GRK5: variants seen among roughly 807,000 people sequenced by gnomAD.
GRK5 encodes the protein G protein-coupled receptor kinase 5.
A neutral mutation model predicts 78.4 loss-of-function variants in GRK5; 40 were observed. The observed-to-expected ratio is 0.51, with a 90% CI of 0.40 to 0.66. GRK5 has a LOEUF of 0.66. GRK5 is among the 30% of genes least tolerant of loss of function. The probability of loss-of-function intolerance (pLI) is 0.00; values close to 1 mark genes in which losing one functional copy is unlikely to be tolerated. For synonymous variants in GRK5, 289 were observed against 296.8 expected (o/e 0.97, Z 0.27); for missense variants, 598 against 759.9 (o/e 0.79, Z 2.50).
intron 2 of GRK5, among the ~76,000 whole-genome samples, chr10:119,350,187 G>T (rs956638922): frequency 5.9e-5 from 9 of 152,356 alleles, no homozygotes; most frequent in African/African-American, 2.2e-4. Context: ...TCTCTGATGG[G>T]ACCCTCCAGC....
At chr10:119,359,392 C>T (rs988324619) in intron 2 of GRK5, among the ~76,000 whole-genome samples, 5 of 152,200 alleles carry the variant, frequency 3.3e-5, no homozygotes, top group East Asian at 1.9e-4. Flanking sequence ...GGGGAGCCTC[C>T]GGGTCCTGCG....
intron 1 of GRK5, among the ~76,000 whole-genome samples, chr10:119,251,568 G>A (rs996725617): frequency 2.6e-5 from 4 of 152,212 alleles, no homozygotes. Context: ...CATTTATCTG[G>A]AGTTGTAATT....
intron 6 of GRK5, 81 bp downstream of exon 6, chr10:119,425,166 A>T: frequency 9.8e-7 from 1 of 1,022,846 alleles, no homozygotes; most frequent in African/African-American, 1.6e-5. Context: ...AAAATCAGTT[A>T]CCTCCCGTGG....
At chr10:119,414,274 C>T (rs1359331490) in intron 4 of GRK5, among the ~76,000 whole-genome samples, 1 of 152,236 alleles carries the variant, frequency 6.6e-6, no homozygotes. Flanking sequence ...GACAGTCTCC[C>T]GGGCCGACCT....
intron 1 of GRK5, among the ~76,000 whole-genome samples, chr10:119,323,284 A>G (rs992779795): frequency 2.0e-5 from 3 of 152,224 alleles, no homozygotes; most frequent in African/African-American, 7.2e-5. Flanking sequence ...CACCTAAATA[A>G]TGGTTAAACT....
rs139494893 is a variant in GRK5, at chr10:119,389,530, A to G, written c.262-7165A>G. On this transcript the variant is annotated intron_variant, in intron 3 of 15. Coordinates refer to ENST00000392870, the MANE Select transcript of GRK5 (RefSeq NM_005308.3). Reference sequence around the variant, plus strand: ...ATAGTGCACATCTGTGGGATCATCCAGTCTCCTGGGTGCCCCACCCGCATT... The same window carrying G: ...ATAGTGCACATCTGTGGGATCATCCGGTCTCCTGGGTGCCCCACCCGCATT... 3.0e-3 allele frequency among the ~76,000 whole-genome samples: 450 copies of G among 152,326 alleles called. 3 individuals are homozygous for G. The highest frequency in any genetic ancestry group is 0.01 in the African/African-American group (436 of 41,578).
intron 2 of GRK5, among the ~76,000 whole-genome samples, chr10:119,365,318 T>G (rs1851428136): frequency 6.6e-6 from 1 of 152,268 alleles, no homozygotes; most frequent in Admixed American, 6.5e-5. Flanking sequence ...TGAAAATGCA[T>G]GAGGCATGTT....
Position 119,207,912 on chromosome 10 carries a change from C to T in GRK5, c.-6C>T, listed in dbSNP as rs1208686541. Reference sequence around the variant, plus strand: ...GGCCGGCTCCGTTGCTGACCGCCGACTGTCAATGGAGCTGGAAAACATCGT... The same window carrying T: ...GGCCGGCTCCGTTGCTGACCGCCGATTGTCAATGGAGCTGGAAAACATCGT... On this transcript the variant is annotated 5_prime_UTR_variant, in exon 1 of 16. Coordinates refer to ENST00000392870, the MANE Select transcript of GRK5 (RefSeq NM_005308.3). 6.3e-7 allele frequency: 1 copy of T among 1,598,860 alleles called. No homozygotes were observed. Among genetic ancestry groups the T allele is most frequent in the East Asian group, 2.3e-5 (1 of 43,344 alleles).
At chr10:119,449,743 T>G (rs1283104916) in intron 13 of GRK5, among the ~76,000 whole-genome samples, 8 of 152,158 alleles carry the variant, frequency 5.3e-5, no homozygotes, top group Non-Finnish European at 1.0e-4. Flanking sequence ...GAGCTGAGAT[T>G]GTACCACTGC....
intron 1 of GRK5, among the ~76,000 whole-genome samples, chr10:119,254,379 G>A (rs968534739): frequency 1.3e-5 from 2 of 150,540 alleles, no homozygotes; most frequent in African/African-American, 5.0e-5. Context: ...ATTGTGATAA[G>A]TTTTAGATTT....
chr10:119,418,998 A>G (rs1852518339), intron 4 of GRK5, among the ~76,000 whole-genome samples: 2 of 152,228 alleles, frequency 1.3e-5, no homozygotes, highest in Admixed American at 1.3e-4. Flanking sequence ...CCAGAGGGAC[A>G]TCCCTGCAGG....
At chr10:119,400,057 A>G (rs1329705906) in intron 4 of GRK5, among the ~76,000 whole-genome samples, 3 of 152,242 alleles carry the variant, frequency 2.0e-5, no homozygotes, top group Non-Finnish European at 4.4e-5. Context: ...CAACATCCCC[A>G]GCTGCACAGA....
At chr10:119,232,986 T>G (rs771605097) in intron 1 of GRK5, among the ~76,000 whole-genome samples, 1 of 152,176 alleles carries the variant, frequency 6.6e-6, no homozygotes, top group Non-Finnish European at 1.5e-5. Flanking sequence ...ACTATAATAT[T>G]TGCACCCAGG....
In GRK5 at chr10:119,267,582, C is replaced by G. The variant is rs1243314163; in HGVS notation, c.53-58934C>G. ...GGGCTGGAGGCTCAGCGGACGGGCC[C>G]TGTTTTAGGGATTGAGGACATGGCA... is the stretch of plus-strand genomic sequence containing the variant. On this transcript the variant is annotated intron_variant, in intron 1 of 15. Coordinates refer to ENST00000392870, the MANE Select transcript of GRK5 (RefSeq NM_005308.3). This position sits in a 1 kb window ranked among gnomAD's most constrained non-coding sequence, Gnocchi z 4.1. Among the ~76,000 whole-genome samples the G allele has an allele frequency of 6.6e-6, 1 of 152,176 alleles. No individual in the cohort carries two copies. The highest frequency in any genetic ancestry group is 2.4e-5 in the African/African-American group (1 of 41,438).
At chr10:119,243,306 C>T (rs1379806933) in intron 1 of GRK5, among the ~76,000 whole-genome samples, 1 of 152,088 alleles carries the variant, frequency 6.6e-6, no homozygotes, top group Admixed American at 6.6e-5. Flanking sequence ...TGTTAGGTGG[C>T]CAGGTCGAGT....
At chr10:119,315,916 G>T (rs548731630) in intron 1 of GRK5, among the ~76,000 whole-genome samples, 1 of 152,284 alleles carries the variant, frequency 6.6e-6, no homozygotes, top group South Asian at 2.1e-4. Context: ...CCCGCTTCAT[G>T]ACATAGTTTG....
At chr10:119,357,241 C>T (rs1851276812) in intron 2 of GRK5, among the ~76,000 whole-genome samples, 1 of 152,202 alleles carries the variant, frequency 6.6e-6, no homozygotes, top group Non-Finnish European at 1.5e-5. Flanking sequence ...GTTTATGCTC[C>T]AAAGATAAAG....
chr10:119,446,080 G>T (rs956370386), intron 12 of GRK5, among the ~76,000 whole-genome samples: 1 of 152,106 alleles, frequency 6.6e-6, no homozygotes, highest in African/African-American at 2.4e-5. Context: ...AGCCGTCTTG[G>T]TCTCACTTGT....
chr10:119,349,750 C>T (rs1851160278), intron 2 of GRK5, among the ~76,000 whole-genome samples: 1 of 152,216 alleles, frequency 6.6e-6, no homozygotes, highest in Admixed American at 6.5e-5. Flanking sequence ...CCGGATCTCC[C>T]ATCCAGGACT....
Sources: gnomAD v4.1 joint callset for allele counts (sites outside exome capture counted in the v4.1 genomes callset) on GRCh38, gnomAD v4.1.1 for gene constraint, Gnocchi (gnomAD v3.1) non-coding constraint, MANE v1.5 for transcripts, NCBI Gene and HGNC (gene_info 2026-07-23, HGNC 2026-07-21) for gene names.